SHISA9: variants seen among roughly 807,000 people sequenced by gnomAD.
SHISA9 encodes the protein protein shisa-9.
A neutral mutation model predicts 38.0 loss-of-function variants in SHISA9; 13 were observed. The observed-to-expected ratio is 0.34, with a 90% CI of 0.22 to 0.54. The LOEUF is 0.54. Ranked by LOEUF, SHISA9 falls within the 20% of genes least tolerant of loss-of-function variation. The pLI is 0.91. For synonymous variants in SHISA9, 275 were observed against 242.0 expected, an observed-to-expected ratio of 1.14 and a Z score of -1.27; for missense variants, 538 against 575.8, an observed-to-expected ratio of 0.93 and a Z score of 0.67.
At chr16:13,329,953 G>A in the SHISA9 span, among the ~76,000 whole-genome samples, 1 of 152,324 alleles carries the variant, frequency 6.6e-6, no homozygotes, top group South Asian at 2.1e-4. Flanking sequence ...TTTGCCTTGA[G>A]CATTAATTAT....
intron 2 of SHISA9, among the ~76,000 whole-genome samples, chr16:12,985,183 G>T (rs1374024510): frequency 1.4e-5 from 2 of 146,486 alleles, no homozygotes; most frequent in African/African-American, 5.1e-5. Flanking sequence ...AAAGCATTAT[G>T]TTGTACACCA....
At chr16:13,421,191 A>G in the SHISA9 span, among the ~76,000 whole-genome samples, 34 of 124,600 alleles carry the variant, frequency 2.7e-4, no homozygotes, top group Admixed American at 1.8e-4. Context: ...AGACAGTGCC[A>G]TTTCTTCTCT....
chr16:13,024,201 T>A (rs1280509751), intron 2 of SHISA9, among the ~76,000 whole-genome samples: 1 of 152,228 alleles, frequency 6.6e-6, no homozygotes, highest in Admixed American at 6.5e-5. Context: ...GTCTGCTGTT[T>A]CCAGAGCCCA....
At chr16:13,095,519 C>T (rs916847071) in intron 2 of SHISA9, among the ~76,000 whole-genome samples, 2 of 152,202 alleles carry the variant, frequency 1.3e-5, no homozygotes, top group Non-Finnish European at 2.9e-5. Flanking sequence ...CTTCCAGTAT[C>T]CTCCTCAGAA....
the SHISA9 span, among the ~76,000 whole-genome samples, chr16:13,288,942 A>AAGGCTTCAATATATGAATGAGTG: frequency 7.9e-5 from 12 of 152,284 alleles, no homozygotes; most frequent in African/African-American, 2.6e-4. Context: ...TGAGGGAGTG[A>AAGGCTTCAATATATGAATGAGTG]AGGCTTCAAT....
the SHISA9 span, among the ~76,000 whole-genome samples, chr16:13,339,165 CTTTTT>C: frequency 2.3e-5 from 3 of 132,828 alleles, no homozygotes; most frequent in African/African-American, 5.6e-5. Context: ...CTTATTGTGA[CTTTTT>C]TTTTTTTTTT....
At chr16:13,110,696 A>T (rs2073969924) in intron 2 of SHISA9, among the ~76,000 whole-genome samples, 1 of 152,346 alleles carries the variant, frequency 6.6e-6, no homozygotes, top group South Asian at 2.1e-4. Flanking sequence ...AAGAGCTGTG[A>T]TGAAGGGAGA....
intron 4 of SHISA9, among the ~76,000 whole-genome samples, chr16:13,231,991 A>C (rs1456013613): frequency 2.6e-5 from 4 of 152,196 alleles, no homozygotes; most frequent in Admixed American, 2.6e-4. Flanking sequence ...TTCCACCTTC[A>C]TTGTTGAAAG....
At chr16:12,953,687 C>T (rs1015388444) in intron 2 of SHISA9, among the ~76,000 whole-genome samples, 3 of 152,092 alleles carry the variant, frequency 2.0e-5, no homozygotes, top group East Asian at 1.9e-4. Flanking sequence ...CAGTCTGAGA[C>T]AGTGGGGGAA....
intron 2 of SHISA9, among the ~76,000 whole-genome samples, chr16:12,969,678 C>T (rs761990014): frequency 4.6e-5 from 7 of 152,062 alleles, no homozygotes; most frequent in South Asian, 4.1e-4. Context: ...ACCCGGGAGG[C>T]GGAGGCTGCA....
the SHISA9 span, among the ~76,000 whole-genome samples, chr16:13,457,646 G>C: frequency 5.3e-5 from 8 of 151,336 alleles, no homozygotes; most frequent in Non-Finnish European, 1.0e-4. Context: ...GTATTACCTA[G>C]AGCCATTTTA....
At chr16:12,963,441 G>A (rs1417696022) in intron 2 of SHISA9, among the ~76,000 whole-genome samples, 1 of 152,208 alleles carries the variant, frequency 6.6e-6, no homozygotes, top group African/African-American at 2.4e-5. Flanking sequence ...TAACATCAGG[G>A]TGGATGTCAT....
the SHISA9 span, among the ~76,000 whole-genome samples, chr16:13,478,224 C>T: frequency 2.0e-5 from 3 of 152,178 alleles, no homozygotes; most frequent in Non-Finnish European, 4.4e-5. Context: ...TCCTGAGTCA[C>T]TGAGGGGCAT....
chr16:12,909,037 C>T, intron 1 of SHISA9: 1 of 998,520 alleles, frequency 1.0e-6, no homozygotes, highest in Non-Finnish European at 1.2e-6. Context: ...AGTTTCTCTC[C>T]TGCCTCTCAT....
At chr16:13,271,085 G>A in the SHISA9 span, among the ~76,000 whole-genome samples, 10 of 152,138 alleles carry the variant, frequency 6.6e-5, no homozygotes, top group Non-Finnish European at 1.0e-4. Flanking sequence ...AGACTTTGGG[G>A]TTCAGTGGGT....
At chr16:13,041,237 A>G (rs1501316) in intron 2 of SHISA9, among the ~76,000 whole-genome samples, 2 of 152,130 alleles carry the variant, frequency 1.3e-5, no homozygotes, top group South Asian at 4.1e-4. Context: ...TGTTTCCTCA[A>G]TGTTTTCTCT....
intron 2 of SHISA9, among the ~76,000 whole-genome samples, chr16:13,087,609 C>CT (rs2073727681): frequency 6.6e-6 from 1 of 152,188 alleles, no homozygotes. Context: ...TGTCTGTTGG[C>CT]TGCATAGACG....
the SHISA9 span, among the ~76,000 whole-genome samples, chr16:13,384,353 C>A: frequency 3.9e-5 from 6 of 152,196 alleles, no homozygotes. Context: ...CATTTTGCAT[C>A]TTATAAAATA....
At chr16:13,516,315 T>A in the SHISA9 span, among the ~76,000 whole-genome samples, 3 of 152,346 alleles carry the variant, frequency 2.0e-5, no homozygotes, top group Admixed American at 2.0e-4. Flanking sequence ...AGGTTCATAA[T>A]CACCCTGGAC....
Sources: allele counts gnomAD v4.1 joint callset (sites outside exome capture counted in the v4.1 genomes callset), GRCh38; gene constraint gnomAD v4.1.1; transcripts MANE v1.5; gene names NCBI Gene and HGNC (gene_info 2026-07-23, HGNC 2026-07-21).